The following ANKH variants were observed in gnomAD, a reference collection of about 807,000 sequenced individuals.
The protein encoded by ANKH is ANKH inorganic pyrophosphate transport regulator.
ANKH carries 15 observed loss-of-function variants against 49.0 expected under a neutral mutation model. The ratio of observed to expected loss-of-function variants is 0.31; its 90% CI spans 0.20 to 0.47. The LOEUF is 0.47. ANKH is among the 20% of genes least tolerant of loss of function. The pLI, the probability that ANKH is intolerant of heterozygous loss-of-function variation, is 1.00. For missense variants in ANKH, 429 were observed against 652.0 expected (o/e 0.66, Z 3.72); for synonymous variants, 273 against 260.0 (o/e 1.05, Z -0.48).
intron 1 of ANKH, among the ~76,000 whole-genome samples, chr5:14,776,618 A>T (rs1230374445): frequency 6.6e-6 from 1 of 152,184 alleles, no homozygotes; most frequent in Non-Finnish European, 1.5e-5. Context: ...AGTCCCAAAT[A>T]CTGCTGCATC....
intron 1 of ANKH, among the ~76,000 whole-genome samples, chr5:14,851,313 T>C (rs1742115948): frequency 1.3e-5 from 2 of 152,204 alleles, no homozygotes; most frequent in South Asian, 4.1e-4. Context: ...CCTTCCTCTG[T>C]GCTCCAAGAG....
At chr5:14,717,134 T>G in intron 8 of ANKH, 1 of 394,800 alleles carries the variant, frequency 2.5e-6, no homozygotes. Flanking sequence ...AGAACCAGTG[T>G]GCTTTGGGGC....
chr5:14,720,299 A>G (rs1367927490), intron 8 of ANKH, among the ~76,000 whole-genome samples: 1 of 152,214 alleles, frequency 6.6e-6, no homozygotes, highest in African/African-American at 2.4e-5. Flanking sequence ...CATGAAGGAA[A>G]AAATACTTCC....
chr5:14,798,537 T>C, intron 1 of ANKH: 2 of 663,326 alleles, frequency 3.0e-6, no homozygotes, highest in Non-Finnish European at 5.0e-6. Flanking sequence ...CAACCCTGTG[T>C]CAAGCAAGTC....
chr5:14,856,199 T>C (rs988647593), intron 1 of ANKH, among the ~76,000 whole-genome samples: 25 of 151,700 alleles, frequency 1.6e-4, no homozygotes, highest in African/African-American at 5.3e-4. Flanking sequence ...CGTGATCATG[T>C]CACTGCACTC....
chr5:14,871,181 G>A (rs1421964495), intron 1 of ANKH, 171 bp downstream of exon 1: 2 of 690,872 alleles, frequency 2.9e-6, no homozygotes, highest in Non-Finnish European at 5.3e-6. Context: ...ATTGAGGGGA[G>A]GGAGGGAGGG....
rs146362968 is a variant in ANKH at position 14,813,140 on chromosome 5, C to T, written c.97-43949G>A. ...CCTGTAGTCCTAGCTACTCAGGAGG[C>T]TAAAGCAGGAGGATCACTTGGGTCC... On this transcript the variant is annotated intron_variant, in intron 1 of 11. Coordinates refer to ENST00000284268, the MANE Select transcript of ANKH (RefSeq NM_054027.6). Among the ~76,000 whole-genome samples, 628 of 151,932 alleles carry T rather than the reference C, an allele frequency of 4.1e-3. 10 individuals are homozygous for T. The highest frequency in any genetic ancestry group is 2.6e-3 in the Non-Finnish European group (178 of 67,966).
intron 1 of ANKH, among the ~76,000 whole-genome samples, chr5:14,784,386 G>A (rs961966410): frequency 1.3e-5 from 2 of 152,160 alleles, no homozygotes; most frequent in Non-Finnish European, 2.9e-5. Flanking sequence ...CCTCAACACT[G>A]GACTGAAGAG....
chr5:14,747,457 G>A (rs1224907442), intron 6 of ANKH, among the ~76,000 whole-genome samples: 3 of 152,136 alleles, frequency 2.0e-5, no homozygotes, highest in Non-Finnish European at 4.4e-5. Flanking sequence ...TGGCTTAGGA[G>A]GCTGAGGCAG....
chr5:14,787,717 G>A (rs1189088489), intron 1 of ANKH, among the ~76,000 whole-genome samples: 2 of 152,228 alleles, frequency 1.3e-5, no homozygotes, highest in East Asian at 1.9e-4. Flanking sequence ...CAAAGCAAAG[G>A]CTGACAGGTC....
chr5:14,847,288 A>G (rs1418913230), intron 1 of ANKH, among the ~76,000 whole-genome samples: 1 of 152,192 alleles, frequency 6.6e-6, no homozygotes, highest in African/African-American at 2.4e-5. Context: ...CTAAGGGGGA[A>G]AAAGGGGCTG....
intron 1 of ANKH, among the ~76,000 whole-genome samples, chr5:14,858,648 G>A (rs1005124535): frequency 4.6e-5 from 7 of 151,816 alleles, no homozygotes; most frequent in South Asian, 4.2e-4. Context: ...CACAGGAGGC[G>A]GGGGTTGCAG....
intron 1 of ANKH, among the ~76,000 whole-genome samples, chr5:14,850,570 G>A (rs998745707): frequency 6.6e-6 from 1 of 152,240 alleles, no homozygotes; most frequent in Admixed American, 6.5e-5. Flanking sequence ...CCCCCCTCCG[G>A]GGTTCACGGT....
intron 1 of ANKH, among the ~76,000 whole-genome samples, chr5:14,868,175 C>T (rs147107166): frequency 4.6e-5 from 7 of 152,246 alleles, no homozygotes; most frequent in African/African-American, 7.2e-5. Context: ...TACATGGTCA[C>T]GTATGTGCAG....
chr5:14,822,881 A>G (rs2126588487), intron 1 of ANKH, among the ~76,000 whole-genome samples: 1 of 152,302 alleles, frequency 6.6e-6, no homozygotes, highest in East Asian at 1.9e-4. Context: ...AAAAATAGAA[A>G]AAATTAGCTG....
At chr5:14,721,766 T>A (rs1737671144) in intron 8 of ANKH, among the ~76,000 whole-genome samples, 1 of 151,544 alleles carries the variant, frequency 6.6e-6, no homozygotes, top group Non-Finnish European at 1.5e-5. Context: ...CCATCTCTAC[T>A]AAAAATACAA....
intron 1 of ANKH, among the ~76,000 whole-genome samples, chr5:14,803,365 C>T (rs563437099): frequency 1.3e-5 from 2 of 152,276 alleles, no homozygotes; most frequent in East Asian, 1.9e-4. Flanking sequence ...CCACAACCTC[C>T]ACCTCCTGGG....
intron 1 of ANKH, among the ~76,000 whole-genome samples, chr5:14,827,556 C>T (rs1266923837): frequency 6.6e-6 from 1 of 152,156 alleles, no homozygotes; most frequent in African/African-American, 2.4e-5. Flanking sequence ...ATAAGGGATC[C>T]CCAAAGCCCC....
At chr5:14,868,296 C>T (rs568116794) in intron 1 of ANKH, 30 of 151,980 alleles carry the variant, frequency 2.0e-4, no homozygotes, top group Non-Finnish European at 2.9e-4. Flanking sequence ...CATAAAACAC[C>T]TCATCTAAGA....
Sources: gnomAD v4.1 joint callset for allele counts (sites outside exome capture counted in the v4.1 genomes callset) on GRCh38, gnomAD v4.1.1 for gene constraint, MANE v1.5 for transcripts, NCBI Gene and HGNC (gene_info 2026-07-23, HGNC 2026-07-21) for gene names.